The following SGCZ variants were observed in gnomAD, a reference collection of about 807,000 sequenced individuals.
SGCZ encodes zeta-sarcoglycan.
SGCZ carries 40 observed loss-of-function variants against 41.3 expected under a neutral mutation model. The observed-to-expected ratio is 0.97, with a 90% CI of 0.75 to 1.26. SGCZ has a LOEUF of 1.26. Ranked by LOEUF, SGCZ falls within the 50% of genes most tolerant of loss-of-function variation. SGCZ has a pLI of 0.00. For synonymous variants in SGCZ, 206 were observed against 137.5 expected (o/e 1.50, Z -3.49); for missense variants, 552 against 369.8 (o/e 1.49, Z -4.04).
chr8:14,910,654 T>C (rs1376120347), intron 1 of SGCZ, among the ~76,000 whole-genome samples: 1 of 151,928 alleles, frequency 6.6e-6, no homozygotes, highest in Non-Finnish European at 1.5e-5. Flanking sequence ...ACAGAAAACA[T>C]CGGTAAAGTA....
intron 1 of SGCZ, among the ~76,000 whole-genome samples, chr8:14,718,745 T>G (rs1809780358): frequency 6.6e-6 from 1 of 151,724 alleles, no homozygotes; most frequent in Non-Finnish European, 1.5e-5. Flanking sequence ...CCTAAGATTT[T>G]ATTAATGAAG....
intron 1 of SGCZ, among the ~76,000 whole-genome samples, chr8:15,167,315 G>C (rs898836346): frequency 6.6e-6 from 1 of 152,202 alleles, no homozygotes; most frequent in Non-Finnish European, 1.5e-5. Context: ...TTGCAGAGCC[G>C]AGAAAAGCCT....
Position 14,086,504 on chromosome 8 carries a change from C to G in SGCZ, c.*3939G>C, listed in dbSNP as rs189307752. ...AATAAAACAGTTCAGCAATTAACCT[C>G]TGTGATCACATTATCATTTCTTCAA... On this transcript the variant is annotated 3_prime_UTR_variant, in exon 8 of 8. Transcript: ENST00000382080. Among the ~76,000 whole-genome samples the G allele has an allele frequency of 1.4e-3, 208 of 151,828 alleles. 1 individual carries two copies. The highest frequency in any genetic ancestry group is 4.7e-3 in the African/African-American group (195 of 41,522).
chr8:14,985,123 G>A (rs1050326840), intron 1 of SGCZ, among the ~76,000 whole-genome samples: 5 of 152,130 alleles, frequency 3.3e-5, no homozygotes, highest in Middle Eastern at 3.2e-3. Flanking sequence ...TATTCTTGAA[G>A]GATTTAGAGT....
Position 14,345,836 on chromosome 8 carries a change from T to A in SGCZ, c.235-21632A>T, listed in dbSNP as rs528866546. 3.9e-5 allele frequency among the ~76,000 whole-genome samples: 6 copies of A among 152,230 alleles called. No individual in the cohort carries two copies. In the South Asian group the frequency reaches 1.2e-3, roughly 32 times the overall value. On this transcript the variant is annotated intron_variant, in intron 2 of 7. Coordinates refer to ENST00000382080, the MANE Select transcript of SGCZ (RefSeq NM_139167.4). ...CTCCATCCCTTCCTACTGTGTGACT[T>A]GATCAAATCCCTCTGAACTATATGA...
At chr8:14,211,240 G>C (rs1192111144) in intron 4 of SGCZ, among the ~76,000 whole-genome samples, 1 of 152,088 alleles carries the variant, frequency 6.6e-6, no homozygotes, top group African/African-American at 2.4e-5. Context: ...TCTGCTTTCT[G>C]TGCTCCTGGG....
intron 1 of SGCZ, among the ~76,000 whole-genome samples, chr8:15,115,137 C>T (rs1807220083): frequency 6.6e-6 from 1 of 152,164 alleles, no homozygotes; most frequent in South Asian, 2.1e-4. Context: ...TCAGTAGAGT[C>T]TTGACTCCAT....
chr8:15,186,734 T>G (rs1212092714), intron 1 of SGCZ, among the ~76,000 whole-genome samples: 1 of 152,200 alleles, frequency 6.6e-6, no homozygotes, highest in African/African-American at 2.4e-5. Context: ...GAAAACTAGC[T>G]GATTTCAATC....
chr8:14,490,770 G>C (rs970339662), intron 2 of SGCZ, among the ~76,000 whole-genome samples: 1 of 152,040 alleles, frequency 6.6e-6, no homozygotes, highest in Non-Finnish European at 1.5e-5. Flanking sequence ...TGACAATCCA[G>C]ATTCTCATGT....
At chr8:15,136,012 GC>G (rs1439686035) in intron 1 of SGCZ, among the ~76,000 whole-genome samples, 1 of 152,146 alleles carries the variant, frequency 6.6e-6, no homozygotes, top group East Asian at 1.9e-4. Context: ...TCGGGTCATT[GC>G]CATGGAAAGG....
At chr8:14,353,569 A>T (rs968795333) in intron 2 of SGCZ, among the ~76,000 whole-genome samples, 1 of 152,060 alleles carries the variant, frequency 6.6e-6, no homozygotes, top group Non-Finnish European at 1.5e-5. Context: ...TAATGTCCCA[A>T]TTCACAACGG....
intron 3 of SGCZ, among the ~76,000 whole-genome samples, chr8:14,276,648 T>C (rs1442351293): frequency 2.6e-5 from 4 of 152,168 alleles, no homozygotes; most frequent in Admixed American, 2.6e-4. Context: ...TATTTCCTTA[T>C]TATAATCTCT....
At chr8:15,134,438 A>G (rs759043098) in intron 1 of SGCZ, among the ~76,000 whole-genome samples, 13 of 152,158 alleles carry the variant, frequency 8.5e-5, no homozygotes, top group Non-Finnish European at 1.9e-4. Flanking sequence ...CTGAGCAATT[A>G]CAACCTCCAA....
intron 1 of SGCZ, among the ~76,000 whole-genome samples, chr8:14,816,168 A>T (rs60192631): frequency 0.6 from 90,810 of 152,088 alleles, 29,519 homozygotes; most frequent in East Asian, 0.86. Context: ...AGTGGGAATT[A>T]GACACTTTCA....
rs1247868202 is a variant in SGCZ at position 15,210,415 on chromosome 8, C to A, written c.39+27170G>T. 2.6e-5 allele frequency among the ~76,000 whole-genome samples: 4 copies of A among 152,080 alleles called. No individual in the cohort carries two copies. The East Asian group carries it at 5.8e-4, about 22-fold the overall frequency. On this transcript the variant is annotated intron_variant, in intron 1 of 7. Coordinates refer to ENST00000382080, the MANE Select transcript of SGCZ (RefSeq NM_139167.4). Reference sequence around the variant, plus strand: ...CTTCTTCAGTTTCCGTAATACTGTTCCTTCTCCAATTTCCCACTGTGTCCT... The same window carrying A: ...CTTCTTCAGTTTCCGTAATACTGTTACTTCTCCAATTTCCCACTGTGTCCT...
At chr8:14,630,119 C>T (rs1175289378) in intron 1 of SGCZ, among the ~76,000 whole-genome samples, 3 of 152,072 alleles carry the variant, frequency 2.0e-5, no homozygotes, top group African/African-American at 7.2e-5. Flanking sequence ...TGCCTCATCC[C>T]TTATTTACTT....
intron 1 of SGCZ, among the ~76,000 whole-genome samples, chr8:14,602,510 T>G (rs907145235): frequency 6.6e-5 from 10 of 152,028 alleles, no homozygotes; most frequent in Admixed American, 6.6e-5. Flanking sequence ...CATAGTGAGA[T>G]CCTCTCTCTA....
intron 1 of SGCZ, among the ~76,000 whole-genome samples, chr8:14,736,547 T>C (rs1408804975): frequency 3.9e-5 from 6 of 152,042 alleles, no homozygotes; most frequent in Admixed American, 3.3e-4. Context: ...TCTTCAGTGG[T>C]GATTTGTAAG....
At chr8:14,414,007 C>A (rs1013228917) in intron 2 of SGCZ, among the ~76,000 whole-genome samples, 3 of 151,886 alleles carry the variant, frequency 2.0e-5, no homozygotes, top group Non-Finnish European at 4.4e-5. Context: ...TCTCAAGATA[C>A]CCCATGAAAA....
Sources: gnomAD v4.1 joint callset for allele counts (sites outside exome capture counted in the v4.1 genomes callset) on GRCh38, gnomAD v4.1.1 for gene constraint, MANE v1.5 for transcripts, NCBI Gene and HGNC (gene_info 2026-07-23, HGNC 2026-07-21) for gene names.